The following RHOH variants were observed in gnomAD, a reference collection of about 807,000 sequenced individuals.
RHOH encodes the protein rho-related GTP-binding protein RhoH.
RHOH carries 6 observed loss-of-function variants against 13.8 expected under a neutral mutation model. That is an observed-to-expected ratio of 0.44 (90% CI 0.24 to 0.86). RHOH has a LOEUF of 0.86. Among genes scored for constraint, RHOH ranks in the 40% least tolerant of loss-of-function variants. RHOH has a pLI of 0.24. For synonymous variants in RHOH, 117 were observed against 103.0 expected (o/e 1.14, Z -0.82); for missense variants, 147 against 244.5 (o/e 0.60, Z 2.66).
chr4:40,236,832 T>G (rs946780333), intron 1 of RHOH, among the ~76,000 whole-genome samples: 7 of 151,734 alleles, frequency 4.6e-5, no homozygotes, highest in Non-Finnish European at 1.0e-4. Flanking sequence ...GTATATAAAG[T>G]TATATCTCTG....
intron 1 of RHOH, among the ~76,000 whole-genome samples, chr4:40,242,381 C>T (rs371812521): frequency 1.3e-3 from 198 of 152,324 alleles, no homozygotes; most frequent in African/African-American, 4.5e-3. Context: ...TAACTTAATC[C>T]TCACAGCATC....
At chr4:40,203,021 G>C (rs952547098) in intron 1 of RHOH, among the ~76,000 whole-genome samples, 1 of 151,864 alleles carries the variant, frequency 6.6e-6, no homozygotes, top group Non-Finnish European at 1.5e-5. Flanking sequence ...GCCCAGGCTG[G>C]AGTGCAGTGG....
chr4:40,203,614 T>G (rs1027407608), intron 1 of RHOH, among the ~76,000 whole-genome samples: 1 of 152,002 alleles, frequency 6.6e-6, no homozygotes, highest in African/African-American at 2.4e-5. Flanking sequence ...TTGAAGGACT[T>G]ATAATGTAAA....
chr4:40,244,618 C>T lies in RHOH; in HGVS notation c.*656C>T. Reference sequence around the variant, plus strand: ...TACTGCCTAATGATTTTAAAGTTATCACTATATTTTTCTGAAATGATAAAA... The same window carrying T: ...TACTGCCTAATGATTTTAAAGTTATTACTATATTTTTCTGAAATGATAAAA... On this transcript the variant is annotated 3_prime_UTR_variant, in exon 3 of 3. Transcript: ENST00000381799. 1 of 198,236 alleles carries T rather than the reference C, an allele frequency of 5.0e-6. No individual in the cohort carries two copies. The allele number at this position is 198,236 out of a possible 1,614,324, so 12.3% of individuals were successfully genotyped here. A position where few individuals can be genotyped will look rare whatever the true frequency, so the allele number is the denominator to read the frequency against.
intron 1 of RHOH, among the ~76,000 whole-genome samples, chr4:40,197,745 G>A (rs558380785): frequency 6.6e-6 from 1 of 152,282 alleles, no homozygotes; most frequent in Admixed American, 6.5e-5. Context: ...GGAATTTCTA[G>A]CTTGTGTTTT....
intron 1 of RHOH, among the ~76,000 whole-genome samples, chr4:40,234,126 C>G (rs1219943769): frequency 6.6e-6 from 1 of 151,984 alleles, no homozygotes; most frequent in Non-Finnish European, 1.5e-5. Context: ...CTCTCTTTTT[C>G]CTAGAACAGT....
At chr4:40,192,005 A>T (rs1482138262), upstream of RHOH, among the ~76,000 whole-genome samples, 1 of 152,032 alleles carries the variant, frequency 6.6e-6, no homozygotes, top group Admixed American at 6.6e-5. Flanking sequence ...AGCCTGTGGC[A>T]TTTTGAAGCT....
intron 1 of RHOH, among the ~76,000 whole-genome samples, chr4:40,233,021 A>C (rs573634238): frequency 7.9e-5 from 12 of 152,244 alleles, no homozygotes; most frequent in Admixed American, 7.2e-4. Context: ...ATTTGCTAGT[A>C]CCTGTTTTGT....
intron 1 of RHOH, among the ~76,000 whole-genome samples, chr4:40,216,881 G>T (rs1005797334): frequency 2.0e-5 from 3 of 152,152 alleles, no homozygotes; most frequent in African/African-American, 7.2e-5. Context: ...TTCAGATTTT[G>T]ACTAACTTGA....
chr4:40,217,378 T>C (rs1187002481), intron 1 of RHOH, among the ~76,000 whole-genome samples: 1 of 152,250 alleles, frequency 6.6e-6, no homozygotes, highest in Non-Finnish European at 1.5e-5. Context: ...ATTTTTACTT[T>C]TTTTTTGTTA....
At chr4:40,214,388 G>A (rs1367574137) in intron 1 of RHOH, among the ~76,000 whole-genome samples, 1 of 152,070 alleles carries the variant, frequency 6.6e-6, no homozygotes, top group Non-Finnish European at 1.5e-5. Flanking sequence ...TCCTGGGGTG[G>A]GCTCTTTTGT....
Position 40,218,276 on chromosome 4 carries a change from C to T in RHOH, c.-331+20976C>T, listed in dbSNP as rs13101295. The T allele has an allele frequency of 0.14, 21,687 of 152,222 alleles. 1,752 individuals carry two copies. Among genetic ancestry groups the T allele is most frequent in the East Asian group, 0.31 (1,587 of 5,182 alleles). 9.4% of individuals were successfully genotyped at this position (152,222 alleles called of 1,614,324 possible). On this transcript the variant is annotated intron_variant, in intron 1 of 2. Transcript: ENST00000381799. The surrounding 1 kb of genome is among the most constrained non-coding windows in gnomAD (Gnocchi z 4.1). Reference sequence around the variant, plus strand: ...TCTGCAGATGAGCTGGTGGTTTCTCCAAGCTTCCGAGAGCTCTCTCAGGTA... The same window carrying T: ...TCTGCAGATGAGCTGGTGGTTTCTCTAAGCTTCCGAGAGCTCTCTCAGGTA...
upstream of RHOH, among the ~76,000 whole-genome samples, chr4:40,196,073 G>A (rs757951985): frequency 6.6e-6 from 1 of 152,158 alleles, no homozygotes; most frequent in African/African-American, 2.4e-5. Flanking sequence ...AGTGGCAGCA[G>A]TACTTTAGAA....
chr4:40,234,742 ATCTTTTT>A (rs778187142), intron 1 of RHOH, among the ~76,000 whole-genome samples: 1 of 122,224 alleles, frequency 8.2e-6, no homozygotes, highest in Non-Finnish European at 1.6e-5. Flanking sequence ...GCAAATCAGC[ATCTTTTT>A]TTTTTTTTTT....
chr4:40,216,742 T>C (rs1169602629), intron 1 of RHOH, among the ~76,000 whole-genome samples: 1 of 152,250 alleles, frequency 6.6e-6, no homozygotes, highest in East Asian at 1.9e-4. Context: ...TGATTTCATC[T>C]ATTTAATTGC....
chr4:40,207,013 C>A (rs942419893), intron 1 of RHOH, among the ~76,000 whole-genome samples: 5 of 152,066 alleles, frequency 3.3e-5, no homozygotes, highest in African/African-American at 1.2e-4. Flanking sequence ...TCAAGACCAG[C>A]CTGGCCAAGA....
At chr4:40,239,154 C>T (rs1446533269) in intron 1 of RHOH, among the ~76,000 whole-genome samples, 1 of 152,184 alleles carries the variant, frequency 6.6e-6, no homozygotes, top group Admixed American at 6.5e-5. Flanking sequence ...TTCGTATTCA[C>T]TGCAGCAGGT....
upstream of RHOH, among the ~76,000 whole-genome samples, chr4:40,195,283 G>A (rs1723000875): frequency 6.6e-6 from 1 of 152,048 alleles, no homozygotes; most frequent in African/African-American, 2.4e-5. Flanking sequence ...CTTATGTTCT[G>A]CTCAGCTGAT....
In RHOH at chr4:40,201,694, C is replaced by T. The variant is rs143563850; in HGVS notation, c.-331+4394C>T. On this transcript the variant is annotated intron_variant, in intron 1 of 2. Transcript: ENST00000381799. ...GGCGGGGGGCAAGCATGTTGTTAAA[C>T]GTTTACTAGCATGCTACTGAGGAAC... 4.9e-4 allele frequency among the ~76,000 whole-genome samples: 75 copies of T among 151,730 alleles called. 1 individual carries two copies. In the East Asian group the frequency reaches 0.013, roughly 26 times the overall value.
Sources: gnomAD v4.1 joint callset for allele counts (sites outside exome capture counted in the v4.1 genomes callset) on GRCh38, gnomAD v4.1.1 for gene constraint, Gnocchi (gnomAD v3.1) non-coding constraint, MANE v1.5 for transcripts, NCBI Gene and HGNC (gene_info 2026-07-23, HGNC 2026-07-21) for gene names.